The following CC2D1A variants were observed in gnomAD, a reference collection of about 807,000 sequenced individuals.
CC2D1A encodes the protein coiled-coil and C2 domain containing 1A.
Under a neutral mutation model 123.8 loss-of-function variants are expected in CC2D1A, and 68 were observed. The observed-to-expected ratio is 0.55, with a 90% CI of 0.45 to 0.67. CC2D1A has a LOEUF of 0.67. Among genes scored for constraint, CC2D1A ranks in the 30% least tolerant of loss-of-function variants. The probability of loss-of-function intolerance (pLI) is 0.00; values close to 1 mark genes in which losing one functional copy is unlikely to be tolerated. For missense variants in CC2D1A, 1,185 were observed against 1,290.3 expected, an observed-to-expected ratio of 0.92 and a Z score of 1.25; for synonymous variants, 477 against 528.0, an observed-to-expected ratio of 0.90 and a Z score of 1.32.
At chr19:13,913,952 G>C (rs1185104670) in intron 6 of CC2D1A, among the ~76,000 whole-genome samples, 3 of 152,106 alleles carry the variant, frequency 2.0e-5, no homozygotes, top group Non-Finnish European at 4.4e-5. Context: ...CACGATCTCA[G>C]CTCATTACAA....
intron 1 of CC2D1A, 51 bp from the exon 2 acceptor site, chr19:13,909,772 C>T (rs1331920092): frequency 3.1e-6 from 5 of 1,609,680 alleles, no homozygotes; most frequent in Non-Finnish European, 4.2e-6. Flanking sequence ...ATGGCTGCCT[C>T]TAGCCATGTG....
intron 17 of CC2D1A, among the ~76,000 whole-genome samples, chr19:13,926,002 A>ATATATATATATACGTATATATATGTG (rs1971605755): frequency 8.3e-6 from 1 of 120,734 alleles, no homozygotes; most frequent in Non-Finnish European, 1.6e-5. Context: ...ATATGTGTGT[A>ATATATATATATACGTATATATATGTG]TATATATATA....
At chr19:13,907,171 TG>T (rs2145281920) in intron 1 of CC2D1A, among the ~76,000 whole-genome samples, 1 of 152,070 alleles carries the variant, frequency 6.6e-6, no homozygotes, top group African/African-American at 2.4e-5. Flanking sequence ...CTTCAGGAGA[TG>T]GAGGCGGAGG....
intron 11 of CC2D1A, 45 bp downstream of exon 11, chr19:13,919,247 C>A (rs370918609): frequency 8.2e-6 from 12 of 1,455,822 alleles, no homozygotes; most frequent in Admixed American, 4.1e-5. Flanking sequence ...GCCCCGCCCC[C>A]GTAGGCCCCG....
intron 6 of CC2D1A, among the ~76,000 whole-genome samples, chr19:13,917,316 T>A (rs1427936585): frequency 6.6e-6 from 1 of 150,658 alleles, no homozygotes; most frequent in African/African-American, 2.4e-5. Context: ...CAAAAAAAAA[T>A]AAAAAACCAG....
In CC2D1A at chr19:13,918,097, A is replaced by T. The variant is rs1331106672; in HGVS notation, c.776A>T (p.Gln259Leu). Residue 259 changes from glutamine to leucine, a missense_variant, in exon 7 of 29, where the codon CAG becomes CTG. Coordinates refer to ENST00000318003, the MANE Select transcript of CC2D1A (RefSeq NM_017721.5). Reference protein sequence around the residue: ...PGPCSPGPLAQLQSRQRDYKL... With the variant: ...PGPCSPGPLALLQSRQRDYKL... ...CCCTGCAGCCCTGGCCCTCTGGCCC[A>T]GTTGCAGAGCCGCCAGCGCGACTAC... The T allele has an allele frequency of 1.9e-6, 3 of 1,612,678 alleles. No homozygotes were observed. The highest frequency in any genetic ancestry group is 3.3e-5 in the Admixed American group (2 of 59,966).
chr19:13,913,706 G>C (rs750542537), intron 6 of CC2D1A, 68 bp downstream of exon 6: 19 of 1,234,982 alleles, frequency 1.5e-5, no homozygotes, highest in African/African-American at 4.5e-5. Context: ...GCTGCTCTAG[G>C]GGGGTGCCGG....
chr19:13,920,381 GAAAAA>G, intron 12 of CC2D1A, 171 bp from the exon 13 acceptor site: 5 of 525,122 alleles, frequency 9.5e-6, no homozygotes, highest in South Asian at 2.4e-5. Context: ...TCTCAAAAAA[GAAAAA>G]AAAAAAAAAA....
At chr19:13,927,295 C>A in intron 22 of CC2D1A, 30 bp downstream of exon 22, 1 of 1,542,190 alleles carries the variant, frequency 6.5e-7, no homozygotes, top group Non-Finnish European at 9.0e-7. Context: ...CCGCGTGCTC[C>A]GGTATGGCCA....
Position 13,930,283 on chromosome 19 carries a change from G to T in CC2D1A, c.2829G>T (p.Glu943Asp), listed in dbSNP as rs1039330361. The change falls in exon 28 of 29, where the codon GAG becomes GAT. Residue 943 changes from glutamate to aspartate, a missense_variant. Physicochemically the swap from Glu to Asp is conservative, Grantham distance 45. Transcript: ENST00000318003. The surrounding 1 kb of genome is among the most constrained non-coding windows in gnomAD (Gnocchi z 6.8). ...KEALYRRNLV[E>D]SELQRLRR is the part of the protein sequence containing the mutation. Reference sequence around the variant, plus strand: ...CGCTCTATAGGCGGAATCTGGTAGAGAGTGAGGTAAGCAGCTTAGGAGATG... The same window carrying T: ...CGCTCTATAGGCGGAATCTGGTAGATAGTGAGGTAAGCAGCTTAGGAGATG... The T allele has an allele frequency of 6.2e-7, 1 of 1,613,982 alleles. No homozygotes were observed. Among genetic ancestry groups the T allele is most frequent in the South Asian group, 1.1e-5 (1 of 91,090 alleles).
intron 22 of CC2D1A, 49 bp downstream of exon 22, chr19:13,927,314 G>C (rs201787212): frequency 6.8e-7 from 1 of 1,462,250 alleles, no homozygotes; most frequent in Non-Finnish European, 9.6e-7. Flanking sequence ...CATGCTACTC[G>C]TTAACATTAT....
intron 14 of CC2D1A, among the ~76,000 whole-genome samples, chr19:13,922,818 G>A (rs983331413): frequency 4.6e-5 from 7 of 152,138 alleles, no homozygotes; most frequent in Non-Finnish European, 1.0e-4. Flanking sequence ...ATAGACATGA[G>A]CCACTGCACC....
Position 13,918,927 on chromosome 19 carries a change from C to T in CC2D1A, c.1034C>T (p.Pro345Leu), listed in dbSNP as rs745631694. The change falls in exon 10 of 29, where the codon CCG (proline) becomes CTG (leucine). Residue 345 changes from proline to leucine, a missense_variant. Transcript: ENST00000318003. ...TCCGGCCCAGAGGTGCCCCCACCCC[C>T]GAGGACCCTGCTGGAGGCGCTGGAG... is the stretch of plus-strand genomic sequence containing the variant. ...APSTTEVPPP[P>L]RTLLEALEQR... The T allele has an allele frequency of 1.2e-6, 2 of 1,610,568 alleles. No homozygotes were observed. Among genetic ancestry groups the T allele is most frequent in the Non-Finnish European group, 1.7e-6 (2 of 1,178,064 alleles).
chr19:13,927,181 G>A lies in CC2D1A; in HGVS notation c.2232G>A (p.Leu744=). 2 of 1,614,050 alleles carry A rather than the reference G, an allele frequency of 1.2e-6. No individual in the cohort carries two copies. The highest frequency in any genetic ancestry group is 1.1e-5 in the South Asian group (1 of 91,088). Residue 744 remains leucine, a synonymous_variant, in exon 22 of 29, where the codon CTG becomes CTA. Coordinates refer to ENST00000318003, the MANE Select transcript of CC2D1A (RefSeq NM_017721.5). ...TATACACACATGCACACAGGGGGCT[G>A]TTCAAGACTGACCGGGTGCTGGGGA... ...IKFEVVHKGG[L]FKTDRVLGTA...
intron 17 of CC2D1A, among the ~76,000 whole-genome samples, chr19:13,925,957 T>C (rs1389200098): frequency 8.6e-5 from 11 of 127,538 alleles, no homozygotes; most frequent in African/African-American, 3.8e-4. Context: ...TATATATATA[T>C]ATACACGTAT....
Position 13,906,230 on chromosome 19 carries a change from C to A in CC2D1A, c.-212C>A, listed in dbSNP as rs1375800782. 1.6e-5 allele frequency: 7 copies of A among 446,084 alleles called. No individual in the cohort carries two copies. In the East Asian group the frequency reaches 2.5e-4, roughly 16 times the overall value. The allele number at this position is 446,084 out of a possible 1,614,324, so 27.6% of individuals were successfully genotyped here. ...TTTCGGCTCGGCAGACCCGGCGAGC[C>A]CAGTGGCCGCGCTCCGGTGCGGCGG... On this transcript the variant is annotated 5_prime_UTR_variant, in exon 1 of 29. Coordinates refer to ENST00000318003, the MANE Select transcript of CC2D1A (RefSeq NM_017721.5). This position sits in a 1 kb window ranked among gnomAD's most constrained non-coding sequence, Gnocchi z 4.1.
intron 14 of CC2D1A, among the ~76,000 whole-genome samples, chr19:13,921,669 C>T (rs954026843): frequency 5.3e-5 from 8 of 152,170 alleles, no homozygotes; most frequent in African/African-American, 1.9e-4. Flanking sequence ...CACATGGCTA[C>T]ATTTAGCCTC....
intron 6 of CC2D1A, among the ~76,000 whole-genome samples, chr19:13,917,844 G>A (rs866443949): frequency 6.6e-6 from 1 of 152,076 alleles, no homozygotes; most frequent in Non-Finnish European, 1.5e-5. Flanking sequence ...CCGGGCATGT[G>A]CCTGTAATCC....
chr19:13,928,278 C>T (rs1047765992), intron 24 of CC2D1A, 90 bp downstream of exon 24: 33 of 1,105,794 alleles, frequency 3.0e-5, no homozygotes, highest in Non-Finnish European at 4.1e-5. Context: ...ACAAATTGGA[C>T]CACGTCCCTC....
Sources: allele counts gnomAD v4.1 joint callset (sites outside exome capture counted in the v4.1 genomes callset), GRCh38; gene constraint gnomAD v4.1.1; non-coding constraint Gnocchi (gnomAD v3.1); transcripts MANE v1.5; gene names NCBI Gene and HGNC (gene_info 2026-07-23, HGNC 2026-07-21).